TTC29: variants seen among roughly 807,000 people sequenced by gnomAD.
TTC29 encodes the protein tetratricopeptide repeat protein 29.
A neutral mutation model predicts 58.1 loss-of-function variants in TTC29; 49 were observed. That is an observed-to-expected ratio of 0.84 (90% CI 0.67 to 1.07). The LOEUF is 1.07. Ranked by LOEUF, TTC29 falls within the 50% of genes least tolerant of loss-of-function variation. TTC29 has a pLI of 0.00. For missense variants in TTC29, 582 were observed against 555.6 expected, an observed-to-expected ratio of 1.05 and a Z score of -0.48; for synonymous variants, 209 against 196.8, an observed-to-expected ratio of 1.06 and a Z score of -0.52.
At chr4:146,760,482 A>C (rs1746800584) in intron 11 of TTC29, among the ~76,000 whole-genome samples, 1 of 151,960 alleles carries the variant, frequency 6.6e-6, no homozygotes, top group Non-Finnish European at 1.5e-5. Flanking sequence ...TAGCCAAACC[A>C]AGAGTAAGCA....
chr4:146,840,151 T>G (rs187708048), intron 8 of TTC29, among the ~76,000 whole-genome samples: 19 of 151,428 alleles, frequency 1.3e-4, no homozygotes, highest in African/African-American at 4.6e-4. Context: ...ATCTTTTAAG[T>G]GGGTACTGGT....
intron 6 of TTC29, among the ~76,000 whole-genome samples, chr4:146,898,896 A>G (rs1459571824): frequency 3.3e-5 from 5 of 152,212 alleles, no homozygotes; most frequent in African/African-American, 1.2e-4. Context: ...CCCCTCACAA[A>G]GAAGGCTGGC....
chr4:146,851,959 G>A (rs112966404), intron 8 of TTC29, among the ~76,000 whole-genome samples: 29 of 152,214 alleles, frequency 1.9e-4, no homozygotes, highest in African/African-American at 5.3e-4. Context: ...TTTTTGAGAC[G>A]GAGTCTCACT....
intron 10 of TTC29, among the ~76,000 whole-genome samples, chr4:146,814,594 C>T (rs569725164): frequency 9.2e-5 from 14 of 151,912 alleles, no homozygotes; most frequent in South Asian, 2.1e-4. Flanking sequence ...GGCGTGGTGG[C>T]GCACGCCTGT....
intron 8 of TTC29, among the ~76,000 whole-genome samples, chr4:146,848,185 C>T (rs907711345): frequency 1.3e-5 from 2 of 152,174 alleles, no homozygotes; most frequent in African/African-American, 4.8e-5. Context: ...TCTTTAATAA[C>T]AGAAAACACA....
intron 10 of TTC29, among the ~76,000 whole-genome samples, chr4:146,815,001 A>G (rs1461651589): frequency 6.6e-6 from 1 of 152,162 alleles, no homozygotes; most frequent in Non-Finnish European, 1.5e-5. Flanking sequence ...GAGGTCAGAG[A>G]TAGGGGTGGG....
At chr4:146,717,614 A>G (rs1381938534) in intron 11 of TTC29, among the ~76,000 whole-genome samples, 1 of 152,054 alleles carries the variant, frequency 6.6e-6, no homozygotes, top group Non-Finnish European at 1.5e-5. Context: ...TTAATTGTAC[A>G]TTGACAAATT....
At chr4:146,766,957 A>G (rs1747372533) in intron 11 of TTC29, among the ~76,000 whole-genome samples, 1 of 152,110 alleles carries the variant, frequency 6.6e-6, no homozygotes, top group Non-Finnish European at 1.5e-5. Context: ...TCCAATTGGA[A>G]TTCTTTTAGA....
At chr4:146,734,129 T>C (rs1744543722) in intron 11 of TTC29, among the ~76,000 whole-genome samples, 1 of 152,318 alleles carries the variant, frequency 6.6e-6, no homozygotes, top group Non-Finnish European at 1.5e-5. Flanking sequence ...ACATTTTCTA[T>C]TATTTTATTT....
At chr4:146,737,114 G>A (rs1000589714) in intron 11 of TTC29, among the ~76,000 whole-genome samples, 2 of 152,164 alleles carry the variant, frequency 1.3e-5, no homozygotes, top group Non-Finnish European at 2.9e-5. Context: ...AGTTTTGGAA[G>A]AATTGAACAG....
chr4:146,861,132 T>C (rs1240297181), intron 8 of TTC29, among the ~76,000 whole-genome samples: 2 of 152,188 alleles, frequency 1.3e-5, no homozygotes, highest in Non-Finnish European at 2.9e-5. Context: ...TGAATTGATA[T>C]ATTTAGGGAG....
intron 6 of TTC29, among the ~76,000 whole-genome samples, chr4:146,900,641 A>C (rs1441214578): frequency 1.3e-5 from 2 of 152,342 alleles, no homozygotes; most frequent in East Asian, 3.9e-4. Flanking sequence ...AGCAATGTAT[A>C]AATCCTCCAA....
intron 8 of TTC29, among the ~76,000 whole-genome samples, chr4:146,865,991 A>G (rs1392294325): frequency 6.6e-6 from 1 of 152,200 alleles, no homozygotes; most frequent in Non-Finnish European, 1.5e-5. Flanking sequence ...AACAGTGCAT[A>G]TAAAATGCAA....
intron 6 of TTC29, among the ~76,000 whole-genome samples, chr4:146,886,665 G>A (rs1344054118): frequency 6.6e-6 from 1 of 152,084 alleles, no homozygotes; most frequent in Non-Finnish European, 1.5e-5. Context: ...TTTCCTGGGT[G>A]AGTCCTATAT....
chr4:146,729,606 C>T (rs960983440), intron 11 of TTC29, among the ~76,000 whole-genome samples: 4 of 152,060 alleles, frequency 2.6e-5, no homozygotes, highest in African/African-American at 9.7e-5. Flanking sequence ...GTGTATTAGT[C>T]TGTTTTCCTA....
At chr4:146,741,431 A>C (rs536170394) in intron 11 of TTC29, among the ~76,000 whole-genome samples, 1 of 152,192 alleles carries the variant, frequency 6.6e-6, no homozygotes, top group Non-Finnish European at 1.5e-5. Context: ...ATAATGTCCA[A>C]CAATGGGCAG....
chr4:146,722,843 A>G (rs890367973), intron 11 of TTC29, among the ~76,000 whole-genome samples: 1 of 152,036 alleles, frequency 6.6e-6, no homozygotes, highest in Admixed American at 6.6e-5. Flanking sequence ...GATTACAGGT[A>G]TGCACCGCCA....
rs556648266 is a variant in TTC29, at chr4:146,802,086, A to AT, written c.1330+1370dup. ...ATCAGAAGATACTGTTTTCAGGAGT[A>AT]TTTTTTTTTTCATAATTACCATTGT... On this transcript the variant is annotated intron_variant, in intron 11 of 12. Transcript: ENST00000325106. 1.2e-3 allele frequency among the ~76,000 whole-genome samples: 175 copies of AT among 145,378 alleles called. 1 individual carries two copies. Among genetic ancestry groups the AT allele is most frequent in the Middle Eastern group, 3.5e-3 (1 of 284 alleles).
chr4:146,745,214 G>A (rs561592995), intron 11 of TTC29, among the ~76,000 whole-genome samples: 20 of 152,344 alleles, frequency 1.3e-4, no homozygotes, highest in Admixed American at 1.3e-3. Context: ...TCGAGCAAGA[G>A]CCTAGAGGAA....
Sources: allele counts gnomAD v4.1 joint callset (sites outside exome capture counted in the v4.1 genomes callset), GRCh38; gene constraint gnomAD v4.1.1; transcripts MANE v1.5; gene names NCBI Gene and HGNC (gene_info 2026-07-23, HGNC 2026-07-21).